The following ENPEP variants were observed in gnomAD, a reference collection of about 807,000 sequenced individuals.
ENPEP encodes AP-A.
A neutral mutation model predicts 114.5 loss-of-function variants in ENPEP; 103 were observed. That is an observed-to-expected ratio of 0.90 (90% CI 0.77 to 1.06). ENPEP has a LOEUF of 1.06. Ranked by LOEUF, ENPEP falls within the 50% of genes least tolerant of loss-of-function variation. The pLI is 0.00. For missense variants in ENPEP, 1,196 were observed against 1,161.3 expected (o/e 1.03, Z -0.43); for synonymous variants, 420 against 422.0 (o/e 1.00, Z 0.06).
intron 11 of ENPEP, among the ~76,000 whole-genome samples, chr4:110,534,500 G>C (rs644539): frequency 0.99 from 126,776 of 128,642 alleles, 62,477 homozygotes; most frequent in South Asian, 1. Flanking sequence ...TCTTTTCGTT[G>C]TTTCTTTTTT....
intron 1 of ENPEP, among the ~76,000 whole-genome samples, chr4:110,481,041 C>T (rs1724295064): frequency 6.6e-6 from 1 of 152,286 alleles, no homozygotes; most frequent in East Asian, 1.9e-4. Flanking sequence ...TTTCTTCTCT[C>T]CAAGATTTGG....
chr4:110,476,938 A>G lies in ENPEP; in HGVS notation c.524A>G (p.Glu175Gly), dbSNP rs1724134821. 3 of 1,614,132 alleles carry G rather than the reference A, an allele frequency of 1.9e-6. No individual in the cohort carries two copies. In the African/African-American group the frequency reaches 4.0e-5, roughly 22 times the overall value. ...KQEYVVVEAE[E>G]ELTPSSGDGL... Reference sequence around the variant, plus strand: ...GAGTACGTGGTGGTCGAGGCGGAGGAAGAGCTTACCCCCAGCAGTGGAGAT... The same window carrying G: ...GAGTACGTGGTGGTCGAGGCGGAGGGAGAGCTTACCCCCAGCAGTGGAGAT... Residue 175 changes from glutamate to glycine, a missense_variant, in exon 1 of 20, where the codon GAA becomes GGA. Glu to Gly is a moderately conservative substitution (Grantham distance 98, BLOSUM62 -2). Transcript: ENST00000265162.
At chr4:110,489,776 C>A (rs1029762662) in intron 2 of ENPEP, among the ~76,000 whole-genome samples, 1 of 152,172 alleles carries the variant, frequency 6.6e-6, no homozygotes, top group African/African-American at 2.4e-5. Context: ...GGGTCAGCCT[C>A]ATCTTTAGGT....
At chr4:110,535,861 A>G in intron 11 of ENPEP, among the ~76,000 whole-genome samples, 1 of 152,198 alleles carries the variant, frequency 6.6e-6, no homozygotes, top group Non-Finnish European at 1.5e-5. Flanking sequence ...AGCCATCAAC[A>G]CTGAGGCAAG....
intron 1 of ENPEP, among the ~76,000 whole-genome samples, chr4:110,482,120 G>A (rs889850094): frequency 1.3e-5 from 2 of 152,138 alleles, no homozygotes; most frequent in Non-Finnish European, 2.9e-5. Flanking sequence ...GATACAGATG[G>A]CAAAAGAAAG....
In ENPEP at chr4:110,548,236, G is replaced by C; in HGVS notation, c.2061G>C (p.Glu687Asp). Residue 687 changes from glutamate to aspartate, a missense_variant, in exon 14 of 20, where the codon GAG becomes GAC. By Grantham distance (45) the Glu-to-Asp change is conservative (BLOSUM62 2). Coordinates refer to ENST00000265162, the MANE Select transcript of ENPEP (RefSeq NM_001977.4). The part of the protein sequence containing the change: ...LNLTKYLKRE[E>D]NFLPWQRVIS... Reference sequence around the variant, plus strand: ...TGACCAAGTATCTCAAAAGGGAAGAGAATTTTTTACCATGGCAGAGAGTAA... The same window carrying C: ...TGACCAAGTATCTCAAAAGGGAAGACAATTTTTTACCATGGCAGAGAGTAA... The C allele has an allele frequency of 6.4e-7, 1 of 1,561,250 alleles. No homozygotes were observed. The highest frequency in any genetic ancestry group is 8.7e-7 in the Non-Finnish European group (1 of 1,154,514).
At chr4:110,517,186 C>T (rs1465546907) in intron 8 of ENPEP, among the ~76,000 whole-genome samples, 1 of 152,004 alleles carries the variant, frequency 6.6e-6, no homozygotes, top group African/African-American at 2.4e-5. Context: ...GAGATCCGCC[C>T]GCCTCGGCCT....
chr4:110,484,906 G>A (rs1724447891), intron 1 of ENPEP, among the ~76,000 whole-genome samples: 1 of 144,766 alleles, frequency 6.9e-6, no homozygotes, highest in African/African-American at 2.4e-5. Flanking sequence ...ACGAAGATGT[G>A]TGTGGTGCGC....
At position 110,501,838 on chromosome 4, in the gene ENPEP, C is replaced by A. The variant is rs143429876; in HGVS notation, c.919-4799C>A. On this transcript the variant is annotated intron_variant, in intron 3 of 19. Transcript: ENST00000265162. ...ATGGCTGGATCATTTGGTAATTCTG[C>A]TTTAGTTCTTTGAGAAATTGCCAAA... Among the ~76,000 whole-genome samples, 12 of 152,248 alleles carry A rather than the reference C, an allele frequency of 7.9e-5. No homozygotes were observed. The East Asian group carries it at 2.3e-3, about 29-fold the overall frequency.
chr4:110,515,721 A>G (rs758289259), intron 8 of ENPEP: 2 of 525,804 alleles, frequency 3.8e-6, no homozygotes, highest in South Asian at 1.5e-5. Flanking sequence ...TTGGGCTGCC[A>G]TAAGGAAATA....
intron 3 of ENPEP, among the ~76,000 whole-genome samples, chr4:110,496,083 TA>T (rs1288307113): frequency 6.6e-6 from 1 of 152,232 alleles, no homozygotes; most frequent in African/African-American, 2.4e-5. Flanking sequence ...GATCGCTGAA[TA>T]ATTGCATCTA....
At chr4:110,502,855 G>A (rs1432369826) in intron 3 of ENPEP, among the ~76,000 whole-genome samples, 1 of 151,790 alleles carries the variant, frequency 6.6e-6, no homozygotes, top group Non-Finnish European at 1.5e-5. Context: ...GAATTGCTTT[G>A]GGCAGTATGG....
chr4:110,536,253 G>C (rs59302744), intron 11 of ENPEP, among the ~76,000 whole-genome samples: 11,496 of 152,166 alleles, frequency 0.076, 546 homozygotes, highest in Non-Finnish European at 0.11. Context: ...AATCAATAGT[G>C]GTTTGGTGCA....
chr4:110,545,935 G>C (rs1426093936), intron 13 of ENPEP, among the ~76,000 whole-genome samples: 1 of 151,970 alleles, frequency 6.6e-6, no homozygotes, highest in East Asian at 1.9e-4. Flanking sequence ...AGATTTCTCA[G>C]GGTGTCAGAC....
intron 17 of ENPEP, among the ~76,000 whole-genome samples, chr4:110,552,533 T>C (rs1040914936): frequency 6.6e-6 from 1 of 152,144 alleles, no homozygotes; most frequent in Admixed American, 6.6e-5. Context: ...ATTAAGCCAA[T>C]GGGTAGGATG....
At chr4:110,555,664 GA>G (rs1413570567) in intron 18 of ENPEP, among the ~76,000 whole-genome samples, 7 of 151,952 alleles carry the variant, frequency 4.6e-5, no homozygotes, top group African/African-American at 7.2e-5. Context: ...GACAGTAGAT[GA>G]AAAACTAAGT....
At chr4:110,485,152 T>C (rs2110333835) in intron 1 of ENPEP, among the ~76,000 whole-genome samples, 2 of 152,318 alleles carry the variant, frequency 1.3e-5, no homozygotes, top group Middle Eastern at 6.8e-3. Context: ...GTACAGGCTT[T>C]TTTAGAGTCT....
chr4:110,540,174 A>G (rs1726799067), intron 11 of ENPEP, among the ~76,000 whole-genome samples: 2 of 152,182 alleles, frequency 1.3e-5, no homozygotes, highest in Admixed American at 1.3e-4. Context: ...TTCCAAATAT[A>G]TAAAATGAAA....
At chr4:110,534,025 C>T (rs1370005059) in intron 11 of ENPEP, among the ~76,000 whole-genome samples, 1 of 152,168 alleles carries the variant, frequency 6.6e-6, no homozygotes, top group African/African-American at 2.4e-5. Context: ...AAAGTGTCTG[C>T]TCCATTTTTA....
Sources: allele counts gnomAD v4.1 joint callset (sites outside exome capture counted in the v4.1 genomes callset), GRCh38; gene constraint gnomAD v4.1.1; transcripts MANE v1.5; gene names NCBI Gene and HGNC (gene_info 2026-07-23, HGNC 2026-07-21).